The following ANO2 variants were observed in gnomAD, a reference collection of about 807,000 sequenced individuals.
The protein encoded by ANO2 is anoctamin 2.
In ANO2, 101 loss-of-function variants were observed where a neutral mutation model predicts 124.2. The observed-to-expected ratio is 0.81, with a 90% CI of 0.69 to 0.96. The LOEUF (loss-of-function observed/expected upper bound fraction) is 0.96. Among genes scored for constraint, ANO2 ranks in the 40% least tolerant of loss-of-function variants. ANO2 has a pLI of 0.00. For missense variants in ANO2, 1,293 were observed against 1,274.5 expected (o/e 1.01, Z -0.22); for synonymous variants, 486 against 482.5 (o/e 1.01, Z -0.09).
In ANO2 at chr12:5,665,545, T is replaced by C. The variant is rs1808299; in HGVS notation, c.1546-17744A>G. On this transcript the variant is annotated intron_variant, in intron 14 of 24. Transcript: ENST00000682330. ...CAACCAGCAATGAGCACTCCTGTGC[T>C]CGGAGGGATTTTATTTGTTGCCCCA... Among the ~76,000 whole-genome samples, 10 of 152,268 alleles carry C rather than the reference T, an allele frequency of 6.6e-5. 1 individual carries two copies. The South Asian group carries it at 8.3e-4, about 13-fold the overall frequency.
intron 10 of ANO2, among the ~76,000 whole-genome samples, chr12:5,773,772 T>C (rs1952150296): frequency 6.6e-6 from 1 of 152,164 alleles, no homozygotes; most frequent in South Asian, 2.1e-4. Context: ...GGCTCACAAC[T>C]TGGTGAGTGA....
intron 3 of ANO2, among the ~76,000 whole-genome samples, chr12:5,859,287 G>A (rs1241200267): frequency 6.6e-6 from 1 of 152,182 alleles, no homozygotes; most frequent in Non-Finnish European, 1.5e-5. Context: ...GTCTAAGGTA[G>A]GTAATTTTTC....
chr12:5,836,684 T>C (rs1034511279), intron 4 of ANO2: 1 of 154,096 alleles, frequency 6.5e-6, no homozygotes, highest in Admixed American at 6.5e-5. Context: ...CTGGCTGAGC[T>C]GGGCACATCT....
intron 10 of ANO2, among the ~76,000 whole-genome samples, chr12:5,768,480 G>C (rs143083267): frequency 1.3e-5 from 2 of 152,350 alleles, no homozygotes; most frequent in African/African-American, 4.8e-5. Context: ...ATTTTTGTGA[G>C]CAGAGACATT....
At chr12:5,875,198 A>T (rs1467903395) in intron 3 of ANO2, among the ~76,000 whole-genome samples, 1 of 152,204 alleles carries the variant, frequency 6.6e-6, no homozygotes, top group African/African-American at 2.4e-5. Context: ...TAGGTGTCCA[A>T]TAAATGCTTG....
intron 14 of ANO2, among the ~76,000 whole-genome samples, chr12:5,725,226 C>T (rs561407980): frequency 6.2e-4 from 95 of 152,192 alleles, no homozygotes; most frequent in Non-Finnish European, 1.0e-3. Flanking sequence ...CTCACACACC[C>T]GCTCAAACAC....
At position 5,920,465 on chromosome 12, in the gene ANO2, C is replaced by G. The variant is rs141442999; in HGVS notation, c.534+575G>C. On this transcript the variant is annotated intron_variant, in intron 3 of 24. Transcript: ENST00000682330. ...GTCTAACTAGGCTAACTCCCAACTC[C>G]CAAAGAACAGATTGGCACACCACCA... 1.6e-3 allele frequency among the ~76,000 whole-genome samples: 249 copies of G among 152,228 alleles called. 3 individuals carry two copies. Among genetic ancestry groups the G allele is most frequent in the African/African-American group, 5.4e-3 (225 of 41,524 alleles).
At chr12:5,905,760 A>G (rs1444289507) in intron 3 of ANO2, among the ~76,000 whole-genome samples, 3 of 152,234 alleles carry the variant, frequency 2.0e-5, no homozygotes. Context: ...GAAGGCCAGA[A>G]CTAGAAAAGA....
At chr12:5,579,886 A>T (rs1942645143) in intron 20 of ANO2, among the ~76,000 whole-genome samples, 1 of 152,140 alleles carries the variant, frequency 6.6e-6, no homozygotes, top group Non-Finnish European at 1.5e-5. Flanking sequence ...CATCCCTGGG[A>T]TCACTCAAAT....
At chr12:5,654,212 G>A (rs566796767) in intron 14 of ANO2, among the ~76,000 whole-genome samples, 2 of 152,268 alleles carry the variant, frequency 1.3e-5, no homozygotes, top group Non-Finnish European at 1.5e-5. Context: ...CAGGAGGAGA[G>A]GTGACACACC....
At position 5,916,955 on chromosome 12, in the gene ANO2, G is replaced by T. The variant is rs148660022; in HGVS notation, c.534+4085C>A. 5.1e-3 allele frequency among the ~76,000 whole-genome samples: 777 copies of T among 152,312 alleles called. 9 individuals are homozygous for T. The highest frequency in any genetic ancestry group is 0.016 in the African/African-American group (650 of 41,560). On this transcript the variant is annotated intron_variant, in intron 3 of 24. Transcript: ENST00000682330. ...CCTTTTGGAAGACAGAGACAACGCT[G>T]CAAGACAGTAGGCCACAATGAGAGG...
At chr12:5,639,404 A>G (rs1238728410) in intron 15 of ANO2, among the ~76,000 whole-genome samples, 1 of 152,188 alleles carries the variant, frequency 6.6e-6, no homozygotes, top group Non-Finnish European at 1.5e-5. Flanking sequence ...GAAAAAGGAA[A>G]CAGAAAGCAC....
intron 10 of ANO2, among the ~76,000 whole-genome samples, chr12:5,772,816 C>T (rs1323281845): frequency 6.6e-6 from 1 of 152,206 alleles, no homozygotes; most frequent in African/African-American, 2.4e-5. Flanking sequence ...TGCTGAAAAT[C>T]ATTTCTTCAT....
At chr12:5,923,855 C>T (rs1941954464) in intron 1 of ANO2, among the ~76,000 whole-genome samples, 2 of 152,178 alleles carry the variant, frequency 1.3e-5, no homozygotes, top group South Asian at 4.1e-4. Flanking sequence ...CCTAGAAAAG[C>T]AACACAGCCA....
At chr12:5,812,363 G>C (rs1303533451) in intron 7 of ANO2, among the ~76,000 whole-genome samples, 1 of 119,734 alleles carries the variant, frequency 8.4e-6, no homozygotes, top group Non-Finnish European at 1.8e-5. Flanking sequence ...AGGAAGGAGA[G>C]AGAAAGAAAA....
At chr12:5,725,310 C>A (rs972856374) in intron 14 of ANO2, among the ~76,000 whole-genome samples, 5 of 152,164 alleles carry the variant, frequency 3.3e-5, no homozygotes, top group African/African-American at 9.7e-5. Context: ...GTGAGCATTC[C>A]TGTGCTTCTT....
At chr12:5,821,584 T>C (rs1196726979) in intron 7 of ANO2, among the ~76,000 whole-genome samples, 1 of 152,170 alleles carries the variant, frequency 6.6e-6, no homozygotes, top group East Asian at 1.9e-4. Flanking sequence ...CTCTGGCAAG[T>C]GAATCACAGC....
At chr12:5,795,997 C>A (rs1402666048) in intron 10 of ANO2, among the ~76,000 whole-genome samples, 7 of 152,252 alleles carry the variant, frequency 4.6e-5, no homozygotes, top group Admixed American at 4.6e-4. Context: ...TTATCAGCCA[C>A]AAGCCATGTT....
At chr12:5,583,470 G>A (rs542909795) in intron 20 of ANO2, among the ~76,000 whole-genome samples, 76 of 151,674 alleles carry the variant, frequency 5.0e-4, no homozygotes, top group African/African-American at 9.4e-4. Context: ...TGGCTAACAC[G>A]GTGAAACCCC....
Sources: allele counts gnomAD v4.1 joint callset (sites outside exome capture counted in the v4.1 genomes callset), GRCh38; gene constraint gnomAD v4.1.1; transcripts MANE v1.5; gene names NCBI Gene and HGNC (gene_info 2026-07-23, HGNC 2026-07-21).